CDH13: variants seen among roughly 807,000 people sequenced by gnomAD.
CDH13 encodes the protein cadherin-13.
In CDH13, 24 loss-of-function variants were observed where a neutral mutation model predicts 63.8. That is an observed-to-expected ratio of 0.38 (90% CI 0.27 to 0.53). The LOEUF (loss-of-function observed/expected upper bound fraction) is 0.53, where lower values mean the gene tolerates loss of function less well. Ranked by LOEUF, CDH13 falls within the 20% of genes least tolerant of loss-of-function variation. The probability of loss-of-function intolerance (pLI) is 0.85; values close to 1 mark genes in which losing one functional copy is unlikely to be tolerated. For synonymous variants in CDH13, 503 were observed against 355.3 expected, an observed-to-expected ratio of 1.42 and a Z score of -4.67; for missense variants, 1,049 against 903.1, an observed-to-expected ratio of 1.16 and a Z score of -2.07.
chr16:83,050,620 C>A (rs184867410), intron 3 of CDH13, among the ~76,000 whole-genome samples: 50 of 152,268 alleles, frequency 3.3e-4, no homozygotes, highest in African/African-American at 1.2e-3. Context: ...TCCAACCTAG[C>A]AGCTTTAAAG....
At chr16:83,427,433 C>G (rs1025925213) in intron 6 of CDH13, among the ~76,000 whole-genome samples, 2 of 152,086 alleles carry the variant, frequency 1.3e-5, no homozygotes, top group African/African-American at 4.8e-5. Flanking sequence ...CCTCAAGAAG[C>G]TGGAAAAGGC....
At chr16:83,224,371 T>C (rs1316142836) in intron 5 of CDH13, among the ~76,000 whole-genome samples, 2 of 150,996 alleles carry the variant, frequency 1.3e-5, no homozygotes, top group East Asian at 2.0e-4. Flanking sequence ...AGATACTCAG[T>C]AGTGGGACTG....
intron 2 of CDH13, among the ~76,000 whole-genome samples, chr16:82,922,331 G>C (rs1327212431): frequency 6.6e-6 from 1 of 152,152 alleles, no homozygotes; most frequent in African/African-American, 2.4e-5. Context: ...GGAAAGGTAA[G>C]GAAAGACACA....
At chr16:83,536,187 TG>T (rs2075183589) in intron 7 of CDH13, among the ~76,000 whole-genome samples, 1 of 152,122 alleles carries the variant, frequency 6.6e-6, no homozygotes, top group Non-Finnish European at 1.5e-5. Flanking sequence ...ATAGCGGCTA[TG>T]GGGGAAAAAT....
At chr16:83,650,435 A>C (rs763785855) in intron 8 of CDH13, among the ~76,000 whole-genome samples, 2 of 152,198 alleles carry the variant, frequency 1.3e-5, no homozygotes, top group African/African-American at 2.4e-5. Flanking sequence ...TGACCAAATA[A>C]GTGATAACTC....
intron 5 of CDH13, among the ~76,000 whole-genome samples, chr16:83,284,301 C>T (rs769032199): frequency 2.6e-5 from 4 of 152,102 alleles, no homozygotes; most frequent in Non-Finnish European, 4.4e-5. Context: ...TACTAGATGG[C>T]GCTGGACTTA....
At chr16:83,324,550 G>C (rs1020091073) in intron 5 of CDH13, among the ~76,000 whole-genome samples, 3 of 152,154 alleles carry the variant, frequency 2.0e-5, no homozygotes, top group African/African-American at 7.2e-5. Flanking sequence ...ATGTTTTCCA[G>C]GTTCCCCCAT....
chr16:83,531,641 G>A (rs1032256817), intron 7 of CDH13, among the ~76,000 whole-genome samples: 4 of 152,188 alleles, frequency 2.6e-5, no homozygotes. Context: ...CAAGAGGGAG[G>A]CGAGTGGTAT....
At chr16:82,681,308 A>G (rs1303963544) in intron 1 of CDH13, among the ~76,000 whole-genome samples, 1 of 152,192 alleles carries the variant, frequency 6.6e-6, no homozygotes, top group East Asian at 1.9e-4. Flanking sequence ...AATTCCATGG[A>G]CACAGACAGT....
chr16:83,668,954 A>G (rs1209182606), intron 8 of CDH13, among the ~76,000 whole-genome samples: 1 of 152,216 alleles, frequency 6.6e-6, no homozygotes. Flanking sequence ...TCACAAGGGT[A>G]GGTCATGTCA....
At chr16:83,038,832 T>G (rs1227742774) in intron 3 of CDH13, among the ~76,000 whole-genome samples, 1 of 152,226 alleles carries the variant, frequency 6.6e-6, no homozygotes, top group African/African-American at 2.4e-5. Context: ...AACACCATAC[T>G]TACTCTTTCT....
intron 1 of CDH13, among the ~76,000 whole-genome samples, chr16:82,746,820 C>G (rs142340201): frequency 1.2e-4 from 18 of 152,152 alleles, no homozygotes; most frequent in Middle Eastern, 3.4e-3. Flanking sequence ...GAATCATTTG[C>G]TTTGTTTTGG....
intron 6 of CDH13, among the ~76,000 whole-genome samples, chr16:83,361,418 C>T (rs576644485): frequency 3.3e-5 from 5 of 152,212 alleles, no homozygotes; most frequent in South Asian, 2.1e-4. Flanking sequence ...CTTTGCTGTG[C>T]AGATCTTTAG....
chr16:82,781,794 C>T (rs2035767445), intron 1 of CDH13, among the ~76,000 whole-genome samples: 1 of 152,324 alleles, frequency 6.6e-6, no homozygotes, highest in Middle Eastern at 3.4e-3. Context: ...AATAAAGAGA[C>T]ATATAAGTCG....
intron 8 of CDH13, among the ~76,000 whole-genome samples, chr16:83,630,614 G>A (rs1244375643): frequency 4.6e-5 from 7 of 152,282 alleles, no homozygotes; most frequent in South Asian, 2.1e-4. Flanking sequence ...GCATTTTTAC[G>A]TAAACAATCA....
At chr16:82,800,536 A>G (rs1373637477) in intron 1 of CDH13, among the ~76,000 whole-genome samples, 1 of 152,216 alleles carries the variant, frequency 6.6e-6, no homozygotes, top group African/African-American at 2.4e-5. Context: ...GACACATTTC[A>G]CAGAAGTGTC....
intron 8 of CDH13, 83 bp from the exon 9 acceptor site, chr16:83,670,707 G>A: frequency 8.6e-7 from 1 of 1,162,476 alleles, no homozygotes; most frequent in Non-Finnish European, 1.3e-6. Context: ...GAGATGATGT[G>A]TGTAACATAC....
At chr16:83,745,465 A>G (rs3784990) in intron 10 of CDH13, among the ~76,000 whole-genome samples, 106,513 of 152,036 alleles carry the variant, frequency 0.7, 37,956 homozygotes, top group East Asian at 0.98. Context: ...CCTCCAGATG[A>G]TTGGTTCTGA....
intron 3 of CDH13, among the ~76,000 whole-genome samples, chr16:83,051,332 C>T (rs2151505231): frequency 6.6e-6 from 1 of 152,270 alleles, no homozygotes; most frequent in Middle Eastern, 3.4e-3. Flanking sequence ...TAAGGGATGG[C>T]ATAAGTGGGT....
Sources: gnomAD v4.1 joint callset for allele counts (sites outside exome capture counted in the v4.1 genomes callset) on GRCh38, gnomAD v4.1.1 for gene constraint, MANE v1.5 for transcripts, NCBI Gene and HGNC (gene_info 2026-07-23, HGNC 2026-07-21) for gene names.